CERS6: variants seen among roughly 807,000 people sequenced by gnomAD.
CERS6 encodes the protein LAG1 homolog, ceramide synthase 6.
CERS6 carries 26 observed loss-of-function variants against 56.8 expected under a neutral mutation model. The observed-to-expected ratio is 0.46, with a 90% CI of 0.34 to 0.63. The LOEUF (loss-of-function observed/expected upper bound fraction) is 0.63, where lower values mean the gene tolerates loss of function less well. Among genes scored for constraint, CERS6 ranks in the 30% least tolerant of loss-of-function variants. The probability of loss-of-function intolerance (pLI) is 0.01; values close to 1 mark genes in which losing one functional copy is unlikely to be tolerated. For synonymous variants in CERS6, 164 were observed against 173.3 expected (o/e 0.95, Z 0.42); for missense variants, 415 against 467.5 (o/e 0.89, Z 1.04).
At chr2:168,612,955 A>G (rs1684225004) in intron 3 of CERS6, among the ~76,000 whole-genome samples, 1 of 152,202 alleles carries the variant, frequency 6.6e-6, no homozygotes, top group South Asian at 2.1e-4. Context: ...TGTGGCACTC[A>G]GCTAATGCCA....
intron 1 of CERS6, among the ~76,000 whole-genome samples, chr2:168,503,634 C>G (rs189564659): frequency 6.6e-6 from 1 of 152,246 alleles, no homozygotes; most frequent in Admixed American, 6.5e-5. Context: ...CTGTAATACC[C>G]ACTTGGCTGC....
chr2:168,611,565 G>A (rs1198196097), intron 3 of CERS6, among the ~76,000 whole-genome samples: 2 of 152,218 alleles, frequency 1.3e-5, no homozygotes, highest in South Asian at 2.1e-4. Flanking sequence ...TTCATTGGTC[G>A]ATTTATCCGT....
intron 4 of CERS6, among the ~76,000 whole-genome samples, chr2:168,687,372 C>G (rs1686378775): frequency 6.6e-6 from 1 of 152,216 alleles, no homozygotes; most frequent in Non-Finnish European, 1.5e-5. Context: ...AGCCTTCTTA[C>G]TTTTCCCTAG....
intron 4 of CERS6, among the ~76,000 whole-genome samples, chr2:168,686,506 T>A (rs1245172792): frequency 6.7e-6 from 1 of 150,208 alleles, no homozygotes; most frequent in East Asian, 2.0e-4. Context: ...AGTGAGATAA[T>A]CATTGAGTTA....
At chr2:168,739,847 G>A (rs975646383) in intron 8 of CERS6, among the ~76,000 whole-genome samples, 5 of 151,604 alleles carry the variant, frequency 3.3e-5, no homozygotes, top group South Asian at 2.1e-4. Context: ...TCAGCCTCCC[G>A]AGTAGCTGGG....
intron 1 of CERS6, among the ~76,000 whole-genome samples, chr2:168,527,715 G>GC (rs886585181): frequency 5.9e-5 from 9 of 151,660 alleles, no homozygotes; most frequent in Admixed American, 3.9e-4. Flanking sequence ...TTCCTTGAGG[G>GC]CCCCCCCGCC....
chr2:168,498,882 G>A (rs1694525102), intron 1 of CERS6, among the ~76,000 whole-genome samples: 2 of 152,152 alleles, frequency 1.3e-5, no homozygotes, highest in African/African-American at 4.8e-5. Context: ...TGTGGTTAGT[G>A]AGGAGGGGGT....
intron 7 of CERS6, among the ~76,000 whole-genome samples, chr2:168,715,716 C>A (rs2105390169): frequency 6.6e-6 from 1 of 152,172 alleles, no homozygotes; most frequent in African/African-American, 2.4e-5. Flanking sequence ...TAAATATGTT[C>A]TAGCATATTT....
chr2:168,737,208 T>C (rs981877162), intron 8 of CERS6, among the ~76,000 whole-genome samples: 53 of 152,132 alleles, frequency 3.5e-4, no homozygotes, highest in Admixed American at 1.3e-4. Context: ...ACTACAGTTG[T>C]GTCTGTAATA....
intron 5 of CERS6, among the ~76,000 whole-genome samples, chr2:168,693,241 A>G (rs1177572804): frequency 1.3e-5 from 2 of 152,150 alleles, no homozygotes; most frequent in Admixed American, 6.5e-5. Flanking sequence ...TTTCCTGTCA[A>G]CTGTACAATC....
intron 6 of CERS6, among the ~76,000 whole-genome samples, chr2:168,703,901 C>T (rs1435255758): frequency 3.9e-5 from 6 of 152,132 alleles, no homozygotes; most frequent in African/African-American, 1.4e-4. Context: ...ACTGCTGTGT[C>T]TTCAGAATAT....
chr2:168,718,854 A>G (rs1216790972), intron 8 of CERS6, among the ~76,000 whole-genome samples: 1 of 152,194 alleles, frequency 6.6e-6, no homozygotes, highest in African/African-American at 2.4e-5. Flanking sequence ...TAAGGAATTC[A>G]GGATTTACTC....
At chr2:168,648,089 T>A (rs73026522) in intron 4 of CERS6, among the ~76,000 whole-genome samples, 1,768 of 152,288 alleles carry the variant, frequency 0.012, 44 homozygotes, top group African/African-American at 0.04. Flanking sequence ...GTAGGAACGG[T>A]ACCAACTCTT....
chr2:168,476,461 A>G (rs1694071939), intron 1 of CERS6, among the ~76,000 whole-genome samples: 1 of 152,132 alleles, frequency 6.6e-6, no homozygotes, highest in African/African-American at 2.4e-5. Flanking sequence ...GAGAAAACCA[A>G]TAGGATGGAT....
At position 168,769,499 on chromosome 2, in the gene CERS6, C is replaced by A; in HGVS notation, c.1003-11C>A. On this transcript the variant is annotated splice_polypyrimidine_tract_variant and intron_variant, in intron 9 of 9. Coordinates refer to ENST00000305747, the MANE Select transcript of CERS6 (RefSeq NM_203463.3). ...AGGTGCTGGTTATACTCACCTGCTT[C>A]TACTCCACAGGTGTCCAAGGATGAT... is the stretch of plus-strand genomic sequence containing the variant. The A allele has an allele frequency of 1.3e-6, 2 of 1,573,198 alleles. No homozygotes were observed.
chr2:168,586,376 T>C (rs1683542681), intron 3 of CERS6, among the ~76,000 whole-genome samples: 1 of 152,132 alleles, frequency 6.6e-6, no homozygotes, highest in Non-Finnish European at 1.5e-5. Flanking sequence ...GTATAAAATA[T>C]GCCTCATTTT....
At chr2:168,496,409 A>G (rs907290612) in intron 1 of CERS6, among the ~76,000 whole-genome samples, 1 of 152,074 alleles carries the variant, frequency 6.6e-6, no homozygotes, top group Non-Finnish European at 1.5e-5. Flanking sequence ...GCTAGAGTAG[A>G]GATTGCCTTA....
At chr2:168,590,872 A>C (rs1683654484) in intron 3 of CERS6, among the ~76,000 whole-genome samples, 1 of 152,254 alleles carries the variant, frequency 6.6e-6, no homozygotes, top group African/African-American at 2.4e-5. Context: ...ATAGCTAGGA[A>C]GGTGAATTAC....
intron 8 of CERS6, among the ~76,000 whole-genome samples, chr2:168,725,931 G>C (rs1477198131): frequency 6.6e-6 from 1 of 152,140 alleles, no homozygotes; most frequent in Non-Finnish European, 1.5e-5. Context: ...ACCCATCATT[G>C]TAAGCTGTTA....
Sources: allele counts gnomAD v4.1 joint callset (sites outside exome capture counted in the v4.1 genomes callset), GRCh38; gene constraint gnomAD v4.1.1; transcripts MANE v1.5; gene names NCBI Gene and HGNC (gene_info 2026-07-23, HGNC 2026-07-21).